Variants in UIMC1 observed in about 807,000 individuals in gnomAD.
The protein encoded by UIMC1 is BRCA1-A complex subunit RAP80.
UIMC1 carries 42 observed loss-of-function variants against 84.9 expected under a neutral mutation model. The ratio of observed to expected loss-of-function variants is 0.49; its 90% CI spans 0.39 to 0.64. The LOEUF (loss-of-function observed/expected upper bound fraction) is 0.64, where lower values mean the gene tolerates loss of function less well. UIMC1 is among the 30% of genes least tolerant of loss of function. The pLI, the probability that UIMC1 is intolerant of heterozygous loss-of-function variation, is 0.00. For missense variants in UIMC1, 825 were observed against 847.6 expected (o/e 0.97, Z 0.33); for synonymous variants, 281 against 293.0 (o/e 0.96, Z 0.42).
intron 10 of UIMC1, among the ~76,000 whole-genome samples, chr5:176,914,070 A>ACCATG (rs1486031645): frequency 1.6e-5 from 2 of 127,256 alleles, no homozygotes; most frequent in Non-Finnish European, 3.1e-5. Context: ...ACCATACCAT[A>ACCATG]CCACACCACA....
chr5:176,943,358 T>A lies in UIMC1; in HGVS notation c.1574A>T (p.Asn525Ile). The A allele has an allele frequency of 6.2e-7, 1 of 1,614,110 alleles. No homozygotes were observed. The highest frequency in any genetic ancestry group is 8.5e-7 in the Non-Finnish European group (1 of 1,180,006). ...TKIERHAMYC[N>I]GLMEEDTVLT... ...ACCTGTATCTTCCTCCATCAGACCA[T>A]TGCAGTACATGGCATGTCGTTCAAT... is the stretch of plus-strand genomic sequence containing the variant. The change falls in exon 10 of 15, where the codon AAT becomes ATT. Residue 525 changes from asparagine (N) to isoleucine (I), a missense_variant. Asn to Ile is a moderately radical substitution (Grantham distance 149, BLOSUM62 -3). Transcript: ENST00000511320.
rs180770694 is a variant in UIMC1, at chr5:177,013,230, G to A, written c.-9+9234C>T. Among the ~76,000 whole-genome samples the A allele has an allele frequency of 1.0e-2, 1,512 of 151,934 alleles. 15 individuals are homozygous for A. The highest frequency in any genetic ancestry group is 0.022 in the South Asian group (106 of 4,796). ...ACATAAATTAGCCGGGCTTGGTGGT[G>A]CACATCTGTAATCCCAGCTACTTGG... On this transcript the variant is annotated intron_variant, in intron 1 of 5. Transcript: ENST00000509236.
At chr5:177,013,401 CAA>C (rs57403515) in intron 1 of UIMC1, among the ~76,000 whole-genome samples, 1 of 150,088 alleles carries the variant, frequency 6.7e-6, no homozygotes, top group Non-Finnish European at 1.5e-5. Context: ...CACACACACA[CAA>C]AGATACTTTC....
intron 11 of UIMC1, 24 bp downstream of exon 11, chr5:176,911,287 C>T (rs17078630): frequency 0.033 from 51,761 of 1,571,492 alleles, 1,010 homozygotes; most frequent in Non-Finnish European, 0.039. Flanking sequence ...ACAAGAGCTC[C>T]GTGAATGCAG....
At chr5:176,932,241 A>C (rs1012330926) in intron 10 of UIMC1, among the ~76,000 whole-genome samples, 7 of 152,232 alleles carry the variant, frequency 4.6e-5, no homozygotes, top group Non-Finnish European at 1.0e-4. Flanking sequence ...TATAGCTGAT[A>C]AGACCTAGTG....
intron 1 of UIMC1, among the ~76,000 whole-genome samples, chr5:176,997,088 G>T (rs1038771078): frequency 2.6e-5 from 4 of 152,104 alleles, no homozygotes; most frequent in African/African-American, 7.2e-5. Context: ...GGGCAGACTT[G>T]AAAGCTAGTA....
At chr5:176,994,702 G>C (rs1773337242) in intron 1 of UIMC1, among the ~76,000 whole-genome samples, 1 of 151,900 alleles carries the variant, frequency 6.6e-6, no homozygotes, top group Non-Finnish European at 1.5e-5. Flanking sequence ...ACTTCTGAAA[G>C]GGAGTTGGCT....
chr5:176,967,190 A>G, intron 6 of UIMC1, among the ~76,000 whole-genome samples: 1 of 152,206 alleles, frequency 6.6e-6, no homozygotes. Flanking sequence ...AAATTATCAT[A>G]TAATACAAAT....
intron 10 of UIMC1, among the ~76,000 whole-genome samples, chr5:176,921,761 TCTC>T (rs1561739458): frequency 6.6e-6 from 1 of 152,190 alleles, no homozygotes; most frequent in Non-Finnish European, 1.5e-5. Flanking sequence ...CCCTGCTTAG[TCTC>T]CTCAATTCCA....
intron 10 of UIMC1, chr5:176,919,216 C>G (rs1465102996): frequency 7.9e-6 from 3 of 379,076 alleles, no homozygotes; most frequent in Non-Finnish European, 1.5e-5. Flanking sequence ...GAGGCAGAGG[C>G]TGCAGCGAGC....
At chr5:176,971,204 A>G (rs1171916906) in intron 3 of UIMC1, among the ~76,000 whole-genome samples, 1 of 152,242 alleles carries the variant, frequency 6.6e-6, no homozygotes, top group Non-Finnish European at 1.5e-5. Flanking sequence ...AGAGGAATTA[A>G]TGCCCACTCT....
At chr5:176,984,994 CTTTG>C (rs1475570397) in intron 1 of UIMC1, among the ~76,000 whole-genome samples, 1 of 152,074 alleles carries the variant, frequency 6.6e-6, no homozygotes, top group East Asian at 1.9e-4. Context: ...AACCAGAGAC[CTTTG>C]TTCATGTGTT....
At chr5:176,946,320 T>C (rs1213939936) in intron 9 of UIMC1, among the ~76,000 whole-genome samples, 1 of 152,122 alleles carries the variant, frequency 6.6e-6, no homozygotes, top group African/African-American at 2.4e-5. Context: ...AAAACCACCC[T>C]GACCAACATA....
In UIMC1 at chr5:176,927,357, G is replaced by A. The variant is rs540326477; in HGVS notation, c.1598-15968C>T. 6.6e-5 allele frequency among the ~76,000 whole-genome samples: 10 copies of A among 152,036 alleles called. 1 individual carries two copies. The highest frequency in any genetic ancestry group is 1.9e-4 in the East Asian group (1 of 5,160). On this transcript the variant is annotated intron_variant, in intron 10 of 14. Coordinates refer to ENST00000511320, the MANE Select transcript of UIMC1 (RefSeq NM_001199298.2). ...CAACCTCCACCTCCTGGGTTCAAGCGATTCTCCTGCCTCAGCCTCCCGAGT... is the reference window on the plus strand; with the variant it reads ...CAACCTCCACCTCCTGGGTTCAAGCAATTCTCCTGCCTCAGCCTCCCGAGT...
In UIMC1 at chr5:176,908,556, C is replaced by T. The variant is rs767279306; in HGVS notation, c.1815G>A (p.Glu605=). Residue 605 remains glutamate, a synonymous_variant, in exon 12 of 15, where the codon GAG becomes GAA. Coordinates refer to ENST00000511320, the MANE Select transcript of UIMC1 (RefSeq NM_001199298.2). The part of the protein sequence containing the change: ...EGSGRACSTV[E]GKWQQRLKNP... The stretch of plus-strand genomic sequence containing the variant: ...TCTTCAGCCTCTGCTGCCACTTCCC[C>T]TCCACAGTTGAACATGCTCTTCCAC... 3.7e-6 allele frequency: 6 copies of T among 1,614,100 alleles called. No homozygotes were observed. The South Asian group carries it at 4.4e-5, about 12-fold the overall frequency.
At chr5:176,972,735 CAAAAAATTAAAAAATT>C (rs1054835180) in intron 3 of UIMC1, among the ~76,000 whole-genome samples, 1 of 151,764 alleles carries the variant, frequency 6.6e-6, no homozygotes, top group South Asian at 2.1e-4. Context: ...GACTCCATCT[CAAAAAATTAAAAAATT>C]AAAAAATTAA....
At chr5:177,016,368 A>G (rs1225672728) in intron 1 of UIMC1, among the ~76,000 whole-genome samples, 2 of 151,174 alleles carry the variant, frequency 1.3e-5, no homozygotes, top group African/African-American at 4.9e-5. Flanking sequence ...CATCTCAAAA[A>G]CAAAACAAAA....
chr5:176,951,081 T>C (rs544683946), intron 9 of UIMC1, among the ~76,000 whole-genome samples: 1 of 152,268 alleles, frequency 6.6e-6, no homozygotes, highest in Non-Finnish European at 1.5e-5. Context: ...AATATAAATA[T>C]AGTAATTTTT....
At chr5:176,987,401 T>G (rs979358418) in intron 1 of UIMC1, among the ~76,000 whole-genome samples, 2 of 152,030 alleles carry the variant, frequency 1.3e-5, no homozygotes, top group African/African-American at 4.8e-5. Flanking sequence ...ATCCCAGCAC[T>G]TTAGGAGGCT....
Sources: allele counts gnomAD v4.1 joint callset (sites outside exome capture counted in the v4.1 genomes callset), GRCh38; gene constraint gnomAD v4.1.1; transcripts MANE v1.5; gene names NCBI Gene and HGNC (gene_info 2026-07-23, HGNC 2026-07-21).